TMTC2: variants seen among roughly 807,000 people sequenced by gnomAD.
TMTC2 encodes protein O-mannosyl-transferase TMTC2.
TMTC2 carries 43 observed loss-of-function variants against 82.4 expected under a neutral mutation model. The observed-to-expected ratio is 0.52, with a 90% CI of 0.41 to 0.67. The LOEUF is 0.67. TMTC2 is among the 30% of genes least tolerant of loss of function. The pLI is 0.00. For missense variants in TMTC2, 919 were observed against 1,012.4 expected, an observed-to-expected ratio of 0.91 and a Z score of 1.25; for synonymous variants, 408 against 381.9, an observed-to-expected ratio of 1.07 and a Z score of -0.80.
At chr12:82,917,132 C>T (rs558643482) in intron 3 of TMTC2, among the ~76,000 whole-genome samples, 50 of 152,140 alleles carry the variant, frequency 3.3e-4, no homozygotes, top group African/African-American at 1.2e-3. Flanking sequence ...GTGTTGACCC[C>T]GCCCCATAGT....
intron 4 of TMTC2, among the ~76,000 whole-genome samples, chr12:82,964,261 A>T (rs2137301241): frequency 6.6e-6 from 1 of 152,104 alleles, no homozygotes; most frequent in East Asian, 1.9e-4. Context: ...TTGTTTTCAT[A>T]GACATGCCTG....
At chr12:82,975,234 A>G (rs1302424716) in intron 7 of TMTC2, among the ~76,000 whole-genome samples, 2 of 152,216 alleles carry the variant, frequency 1.3e-5, no homozygotes, top group East Asian at 1.9e-4. Flanking sequence ...AATTCAGTGC[A>G]TTACTAATTG....
intron 1 of TMTC2, among the ~76,000 whole-genome samples, chr12:82,812,826 G>T (rs953345336): frequency 7.9e-5 from 12 of 151,700 alleles, no homozygotes; most frequent in Admixed American, 4.6e-4. Flanking sequence ...AAATATTACT[G>T]ATCTTAAAAC....
At chr12:82,774,618 C>CAA (rs139326993) in intron 1 of TMTC2, among the ~76,000 whole-genome samples, 2,515 of 136,656 alleles carry the variant, frequency 0.018, 60 homozygotes, top group African/African-American at 0.064. Flanking sequence ...AAGACTGTCT[C>CAA]AAAAAAAAAG....
intron 3 of TMTC2, among the ~76,000 whole-genome samples, chr12:82,910,854 T>C (rs1874599744): frequency 6.6e-6 from 1 of 151,848 alleles, no homozygotes; most frequent in Non-Finnish European, 1.5e-5. Flanking sequence ...GTCTGCCTGC[T>C]AGGGTCTCTG....
chr12:82,957,328 A>G (rs989995746), intron 4 of TMTC2, among the ~76,000 whole-genome samples: 40 of 152,296 alleles, frequency 2.6e-4, no homozygotes, highest in African/African-American at 9.6e-4. Context: ...AAATTTTTTT[A>G]AGTAAATGAA....
chr12:82,866,153 A>G (rs1254250364), intron 2 of TMTC2, among the ~76,000 whole-genome samples: 2 of 150,874 alleles, frequency 1.3e-5, no homozygotes, highest in Non-Finnish European at 2.9e-5. Context: ...GCAAGAAATA[A>G]CTAAGATCAG....
chr12:82,985,599 C>T (rs1023855095), intron 7 of TMTC2, among the ~76,000 whole-genome samples: 1 of 151,846 alleles, frequency 6.6e-6, no homozygotes, highest in African/African-American at 2.4e-5. Context: ...GAATAAAGAA[C>T]AAACATAGCT....
At chr12:83,041,760 A>G in intron 9 of TMTC2, among the ~76,000 whole-genome samples, 1 of 151,314 alleles carries the variant, frequency 6.6e-6, no homozygotes. Flanking sequence ...TCTTTAAGGG[A>G]AAATTAATGG....
At chr12:82,940,114 G>A (rs1040500211) in intron 4 of TMTC2, among the ~76,000 whole-genome samples, 2 of 135,870 alleles carry the variant, frequency 1.5e-5, no homozygotes, top group East Asian at 2.4e-4. Context: ...TCCGCCTCCC[G>A]CGTTCAAGCC....
chr12:83,097,350 A>T (rs906011166), intron 11 of TMTC2, among the ~76,000 whole-genome samples: 2 of 152,234 alleles, frequency 1.3e-5, no homozygotes, highest in African/African-American at 4.8e-5. Context: ...ATGAAAGCTG[A>T]ACTTATAAGT....
chr12:83,056,817 G>A (rs1202939532), intron 10 of TMTC2, among the ~76,000 whole-genome samples: 1 of 151,916 alleles, frequency 6.6e-6, no homozygotes, highest in Non-Finnish European at 1.5e-5. Flanking sequence ...AGAGCAAAGT[G>A]GGGTGGCAGA....
At chr12:83,045,426 T>A (rs558154323) in intron 9 of TMTC2, among the ~76,000 whole-genome samples, 1 of 152,300 alleles carries the variant, frequency 6.6e-6, no homozygotes, top group Admixed American at 6.5e-5. Flanking sequence ...TGTGCTTTTT[T>A]AATTTGTAAT....
intron 11 of TMTC2, among the ~76,000 whole-genome samples, chr12:83,063,551 T>C (rs1417326483): frequency 1.3e-5 from 2 of 151,890 alleles, no homozygotes; most frequent in African/African-American, 4.8e-5. Context: ...TGATCCCTAT[T>C]CTGTGGAAGG....
intron 4 of TMTC2, among the ~76,000 whole-genome samples, chr12:82,951,522 G>A (rs1877345495): frequency 6.6e-6 from 1 of 151,984 alleles, no homozygotes; most frequent in Admixed American, 6.6e-5. Flanking sequence ...GGTTTCACCA[G>A]ATTGCCTAGG....
At position 83,012,932 on chromosome 12, in the gene TMTC2, C is replaced by T. The variant is rs1042528433; in HGVS notation, c.2071-17866C>T. 9.9e-5 allele frequency among the ~76,000 whole-genome samples: 15 copies of T among 152,128 alleles called. No homozygotes were observed. In the South Asian group the frequency reaches 1.0e-3, roughly 11 times the overall value. Reference sequence around the variant, plus strand: ...TATTTATGTATTTCAGCTGAAGAATCGGCTTTACATAAATGTGACAGGATG... The same window carrying T: ...TATTTATGTATTTCAGCTGAAGAATTGGCTTTACATAAATGTGACAGGATG... On this transcript the variant is annotated intron_variant, in intron 8 of 11. Coordinates refer to ENST00000321196, the MANE Select transcript of TMTC2 (RefSeq NM_152588.3).
intron 4 of TMTC2, among the ~76,000 whole-genome samples, chr12:82,937,729 G>T (rs7955132): frequency 0.031 from 391 of 12,504 alleles, 10 homozygotes; most frequent in African/African-American, 0.083. Context: ...TGTGTGTGTG[G>T]ATGTGTGTGT....
At chr12:82,855,681 C>T (rs897658270) in intron 1 of TMTC2, among the ~76,000 whole-genome samples, 6 of 152,200 alleles carry the variant, frequency 3.9e-5, no homozygotes, top group Admixed American at 6.5e-5. Context: ...GGCACAGAGC[C>T]AGGATGTTCC....
chr12:83,108,271 A>G (rs1460421458), intron 11 of TMTC2, among the ~76,000 whole-genome samples: 1 of 152,114 alleles, frequency 6.6e-6, no homozygotes, highest in East Asian at 1.9e-4. Flanking sequence ...CTTGATTTAT[A>G]TATTAATTTT....
Sources: gnomAD v4.1 joint callset for allele counts (sites outside exome capture counted in the v4.1 genomes callset) on GRCh38, gnomAD v4.1.1 for gene constraint, MANE v1.5 for transcripts, NCBI Gene and HGNC (gene_info 2026-07-23, HGNC 2026-07-21) for gene names.